The following DENND5A variants were observed in gnomAD, a reference collection of about 807,000 sequenced individuals.
DENND5A encodes DENN domain-containing protein 5A.
Under a neutral mutation model 140.3 loss-of-function variants are expected in DENND5A, and 64 were observed. That is an observed-to-expected ratio of 0.46 (90% CI 0.37 to 0.56). The LOEUF is 0.56. Among genes scored for constraint, DENND5A ranks in the 20% least tolerant of loss-of-function variants. The pLI is 0.00. For missense variants in DENND5A, 1,292 were observed against 1,593.8 expected (o/e 0.81, Z 3.22); for synonymous variants, 605 against 607.7 (o/e 1.00, Z 0.07).
chr11:9,147,852 C>T (rs951311308), intron 15 of DENND5A, among the ~76,000 whole-genome samples: 1 of 152,214 alleles, frequency 6.6e-6, no homozygotes, highest in Non-Finnish European at 1.5e-5. Context: ...ATAGAGGAGA[C>T]ACCCAGAGCC....
At chr11:9,235,142 T>C (rs1309757611) in intron 1 of DENND5A, among the ~76,000 whole-genome samples, 2 of 152,162 alleles carry the variant, frequency 1.3e-5, no homozygotes, top group African/African-American at 4.8e-5. Flanking sequence ...CTTGGATATA[T>C]ACATAAACAG....
intron 10 of DENND5A, among the ~76,000 whole-genome samples, chr11:9,166,232 C>T (rs569724943): frequency 3.3e-5 from 5 of 152,046 alleles, no homozygotes; most frequent in African/African-American, 1.2e-4. Flanking sequence ...GCATGTGCCA[C>T]CACGCCCGGC....
chr11:9,157,795 C>T (rs757244715), intron 12 of DENND5A, among the ~76,000 whole-genome samples: 2 of 152,128 alleles, frequency 1.3e-5, no homozygotes, highest in Non-Finnish European at 1.5e-5. Flanking sequence ...TGAACATACA[C>T]GTGCATATGT....
rs1204456090 is a variant in DENND5A, at chr11:9,142,061, G to A, written c.3559C>T (p.Pro1187Ser). 1 of 1,604,042 alleles carries A rather than the reference G, an allele frequency of 6.2e-7. No individual in the cohort carries two copies. The highest frequency in any genetic ancestry group is 1.3e-5 in the African/African-American group (1 of 74,854). Reference protein sequence around the residue: ...YETLEKNEVVPEENWHTRARN... With the variant: ...YETLEKNEVVSEENWHTRARN... ...GCTCTTGTATGCCAGTTTTCCTCAGGGACTACTTCATTCTTCTCTAATGTC... is the reference window on the plus strand; with the variant it reads ...GCTCTTGTATGCCAGTTTTCCTCAGAGACTACTTCATTCTTCTCTAATGTC... Residue 1187 changes from proline (P) to serine (S), a missense_variant, in exon 22 of 23, where the codon CCT becomes TCT. Transcript: ENST00000328194.
chr11:9,222,760 A>C (rs548620958), intron 1 of DENND5A, among the ~76,000 whole-genome samples: 1 of 152,232 alleles, frequency 6.6e-6, no homozygotes, highest in Non-Finnish European at 1.5e-5. Flanking sequence ...TATAGGCTAG[A>C]TATCAACCCT....
chr11:9,228,699 G>T (rs1850634821), intron 1 of DENND5A, among the ~76,000 whole-genome samples: 1 of 149,402 alleles, frequency 6.7e-6, no homozygotes, highest in Non-Finnish European at 1.5e-5. Context: ...AGCCTGGGCA[G>T]CAGAGTGAGA....
intron 1 of DENND5A, among the ~76,000 whole-genome samples, chr11:9,238,920 C>T (rs1478645457): frequency 6.6e-6 from 1 of 151,526 alleles, no homozygotes; most frequent in Non-Finnish European, 1.5e-5. Flanking sequence ...CAATTTCCGC[C>T]TCCTGGGTTC....
chr11:9,156,759 A>G (rs1410751007), intron 12 of DENND5A, among the ~76,000 whole-genome samples: 1 of 151,770 alleles, frequency 6.6e-6, no homozygotes, highest in African/African-American at 2.4e-5. Flanking sequence ...CTGAGATCAT[A>G]CCACTGCACT....
chr11:9,207,568 C>A lies in DENND5A; in HGVS notation c.174G>T (p.Thr58=), dbSNP rs756507036. The A allele has an allele frequency of 1.9e-6, 3 of 1,612,208 alleles. No homozygotes were observed. The highest frequency in any genetic ancestry group is 1.1e-5 in the South Asian group (1 of 91,006). Residue 58 remains threonine, a synonymous_variant, in exon 2 of 23, where the codon ACG becomes ACT. Coordinates refer to ENST00000328194, the MANE Select transcript of DENND5A (RefSeq NM_015213.4). ...ATTTTGTTTTGTTTTTACCTTCAGTCGTACTTGAAATGAAAGGGCTGGCAC... is the reference window on the plus strand; with the variant it reads ...ATTTTGTTTTGTTTTTACCTTCAGTAGTACTTGAAATGAAAGGGCTGGCAC... ...RDGASPFISS[T]TEGENFEQTP...
At chr11:9,191,654 C>T (rs778762035) in intron 5 of DENND5A, among the ~76,000 whole-genome samples, 4 of 152,112 alleles carry the variant, frequency 2.6e-5, no homozygotes, top group Non-Finnish European at 4.4e-5. Context: ...TAGGGAACAA[C>T]GTTGAAAAAT....
intron 9 of DENND5A, 43 bp from the exon 10 acceptor site, chr11:9,169,992 C>A: frequency 7.2e-7 from 1 of 1,386,434 alleles, no homozygotes; most frequent in Non-Finnish European, 1.0e-6. Context: ...TAATGTCTCA[C>A]TTAAAAAGCA....
intron 20 of DENND5A, 137 bp downstream of exon 20, chr11:9,143,266 C>G (rs1245797486): frequency 2.5e-6 from 2 of 806,534 alleles, no homozygotes; most frequent in South Asian, 1.5e-5. Flanking sequence ...CTCCAACTAG[C>G]TGAGGCACAC....
Position 9,202,803 on chromosome 11 carries a change from C to T in DENND5A, c.949+857G>A, listed in dbSNP as rs1180187762. 3.3e-5 allele frequency among the ~76,000 whole-genome samples: 5 copies of T among 152,274 alleles called. No individual in the cohort carries two copies. In the East Asian group the frequency reaches 9.6e-4, roughly 29 times the overall value. On this transcript the variant is annotated intron_variant, in intron 4 of 22. Transcript: ENST00000328194. ...CCGTTTATACTTCCTGTGCCCTTTG[C>T]CTGGAATACTTTTCCTACAGATATT...
Position 9,139,620 on chromosome 11 carries a change from G to C in DENND5A, c.*51C>G. On this transcript the variant is annotated 3_prime_UTR_variant, in exon 23 of 23. Coordinates refer to ENST00000328194, the MANE Select transcript of DENND5A (RefSeq NM_015213.4). ...TAAGTCCCTTTGGGAAAAAAGGTCA[G>C]AGCTGCAGGGTGAGTCTTTCTCAGT... 6.4e-7 allele frequency: 1 copy of C among 1,566,254 alleles called. No homozygotes were observed. Among genetic ancestry groups the C allele is most frequent in the Non-Finnish European group, 8.7e-7 (1 of 1,149,088 alleles).
chr11:9,191,193 A>C (rs1849111239), intron 5 of DENND5A, among the ~76,000 whole-genome samples: 1 of 151,938 alleles, frequency 6.6e-6, no homozygotes, highest in African/African-American at 2.4e-5. Flanking sequence ...CCCAGAACAG[A>C]GGGAACTTTT....
At chr11:9,168,046 C>T (rs1359290092) in intron 10 of DENND5A, among the ~76,000 whole-genome samples, 6 of 151,262 alleles carry the variant, frequency 4.0e-5, no homozygotes, top group African/African-American at 1.5e-4. Context: ...GAGGACAAGA[C>T]TAACCTCTTT....
chr11:9,143,223 G>T (rs1258771991), intron 20 of DENND5A, 180 bp downstream of exon 20: 2 of 675,752 alleles, frequency 3.0e-6, no homozygotes, highest in Non-Finnish European at 5.2e-6. Context: ...GTAACCTGAG[G>T]CAAAGGCCCC....
At chr11:9,174,816 A>T (rs922143570) in intron 8 of DENND5A, among the ~76,000 whole-genome samples, 1 of 152,186 alleles carries the variant, frequency 6.6e-6, no homozygotes, top group African/African-American at 2.4e-5. Context: ...TTCAACATCC[A>T]CCTCAGATAA....
intron 15 of DENND5A, among the ~76,000 whole-genome samples, chr11:9,149,207 C>A (rs1221912715): frequency 6.6e-6 from 1 of 152,184 alleles, no homozygotes; most frequent in Non-Finnish European, 1.5e-5. Context: ...CCACCTTATC[C>A]CATCTCCAAG....
Sources: allele counts gnomAD v4.1 joint callset (sites outside exome capture counted in the v4.1 genomes callset), GRCh38; gene constraint gnomAD v4.1.1; transcripts MANE v1.5; gene names NCBI Gene and HGNC (gene_info 2026-07-23, HGNC 2026-07-21).